DCN: variants seen among roughly 807,000 people sequenced by gnomAD.
DCN encodes the protein decorin.
A neutral mutation model predicts 36.5 loss-of-function variants in DCN; 17 were observed. The observed-to-expected ratio is 0.47, with a 90% CI of 0.32 to 0.70. The LOEUF (loss-of-function observed/expected upper bound fraction) is 0.70. Among genes scored for constraint, DCN ranks in the 30% least tolerant of loss-of-function variants. The pLI is 0.04. For missense variants in DCN, 389 were observed against 430.1 expected, an observed-to-expected ratio of 0.90 and a Z score of 0.84; for synonymous variants, 163 against 161.4, an observed-to-expected ratio of 1.01 and a Z score of -0.07.
intron 3 of DCN, among the ~76,000 whole-genome samples, chr12:91,162,465 T>A: frequency 1.3e-5 from 2 of 152,294 alleles, no homozygotes; most frequent in East Asian, 3.9e-4. Context: ...TGTATCTATA[T>A]TTTTATTCTA....
intron 2 of DCN, among the ~76,000 whole-genome samples, chr12:91,173,838 G>A (rs1254942511): frequency 1.3e-5 from 2 of 152,164 alleles, no homozygotes; most frequent in Admixed American, 6.5e-5. Flanking sequence ...CCAGCCAAGC[G>A]AGAAGCTGTA....
At chr12:91,179,582 C>T (rs531804569) in intron 1 of DCN, 2 of 152,298 alleles carry the variant, frequency 1.3e-5, no homozygotes, top group African/African-American at 4.8e-5. Flanking sequence ...CTTATTATTC[C>T]TTGTTCTGTA....
At chr12:91,164,376 A>AT (rs1882367105) in intron 3 of DCN, among the ~76,000 whole-genome samples, 1 of 143,960 alleles carries the variant, frequency 6.9e-6, no homozygotes. Context: ...TAAAAAAAAA[A>AT]TTAAAAAAAA....
At chr12:91,155,711 T>C (rs1483819991) in intron 5 of DCN, among the ~76,000 whole-genome samples, 2 of 152,140 alleles carry the variant, frequency 1.3e-5, no homozygotes, top group African/African-American at 2.4e-5. Flanking sequence ...GCACTGGGGA[T>C]AGCAAAAGAT....
intron 6 of DCN, among the ~76,000 whole-genome samples, 156 bp from the exon 7 acceptor site, chr12:91,151,948 G>A (rs1310608976): frequency 6.6e-6 from 1 of 152,102 alleles, no homozygotes; most frequent in Non-Finnish European, 1.5e-5. Context: ...CTCTGAGCCT[G>A]GACAAAGTCC....
At chr12:91,155,161 G>A (rs1881681002) in intron 5 of DCN, among the ~76,000 whole-genome samples, 1 of 152,148 alleles carries the variant, frequency 6.6e-6, no homozygotes, top group South Asian at 2.1e-4. Flanking sequence ...AAACACACGA[G>A]TTCTGACATC....
At chr12:91,149,984 C>T (rs1000973847) in intron 7 of DCN, among the ~76,000 whole-genome samples, 2 of 151,894 alleles carry the variant, frequency 1.3e-5, no homozygotes, top group East Asian at 3.9e-4. Flanking sequence ...GTAATTCTTC[C>T]CAATGATCTG....
chr12:91,144,761 T>A lies in DCN; in HGVS notation c.*1297A>T, dbSNP rs2121114127. 1 of 152,220 alleles carries A rather than the reference T, an allele frequency of 6.6e-6. No homozygotes were observed. Among genetic ancestry groups the A allele is most frequent in the South Asian group, 2.1e-4 (1 of 4,822 alleles). The allele number at this position is 152,220 out of a possible 1,614,324, so 9.4% of individuals were successfully genotyped here. ...TCTTGCTCTTGAACTATTATGCATC[T>A]ATGGAAACCCACCTCAACTGTTATC... On this transcript the variant is annotated 3_prime_UTR_variant, in exon 8 of 8. Coordinates refer to ENST00000052754, the MANE Select transcript of DCN (RefSeq NM_001920.5).
intron 1 of DCN, among the ~76,000 whole-genome samples, chr12:91,178,927 G>A (rs1221601126): frequency 6.6e-6 from 1 of 151,984 alleles, no homozygotes; most frequent in African/African-American, 2.4e-5. Context: ...CTTAACACAT[G>A]GTCAGATAAA....
intron 1 of DCN, chr12:91,180,693 C>G (rs1270790972): frequency 6.6e-6 from 1 of 152,074 alleles, no homozygotes; most frequent in Non-Finnish European, 1.5e-5. Flanking sequence ...TACTGAGTAT[C>G]CCTTTAAGAG....
intron 4 of DCN, among the ~76,000 whole-genome samples, chr12:91,157,870 C>T (rs1881896898): frequency 1.3e-5 from 2 of 152,108 alleles, no homozygotes; most frequent in South Asian, 2.1e-4. Flanking sequence ...CCTCGTGATC[C>T]GCCTGCTTCG....
rs371227632 is a variant in DCN at position 91,153,210 on chromosome 12, T to C, written c.653-21A>G. On this transcript the variant is annotated intron_variant, in intron 5 of 7. Transcript: ENST00000052754. ...AAGACCTGGAATGTGGAATTAAAGA[T>C]GTTAAATTAGCAGATAAACATTATA... is the stretch of plus-strand genomic sequence containing the variant. 2.1e-4 allele frequency: 284 copies of C among 1,331,926 alleles called. 2 individuals carry two copies. In the Middle Eastern group the frequency reaches 2.2e-3, roughly 10 times the overall value. 82.5% of individuals were successfully genotyped at this position (1,331,926 alleles called of 1,614,324 possible). A position where few individuals can be genotyped will look rare whatever the true frequency, so the allele number is the denominator to read the frequency against.
intron 2 of DCN, among the ~76,000 whole-genome samples, chr12:91,167,260 A>C (rs1379074310): frequency 2.0e-5 from 3 of 152,160 alleles, no homozygotes; most frequent in Non-Finnish European, 4.4e-5. Context: ...GACAGAGTAT[A>C]ATGAAGAATT....
At chr12:91,161,363 T>A (rs948991215) in intron 3 of DCN, among the ~76,000 whole-genome samples, 2 of 152,216 alleles carry the variant, frequency 1.3e-5, no homozygotes, top group Non-Finnish European at 2.9e-5. Flanking sequence ...GAAGTTGAGA[T>A]GACAGTAAGA....
intron 2 of DCN, chr12:91,176,943 T>G (rs964157838): frequency 3.9e-5 from 6 of 152,268 alleles, no homozygotes; most frequent in Admixed American, 3.9e-4. Context: ...TAGATGCTTA[T>G]AAAATTTCTG....
At chr12:91,158,715 A>T (rs1881960032) in intron 3 of DCN, among the ~76,000 whole-genome samples, 1 of 152,212 alleles carries the variant, frequency 6.6e-6, no homozygotes, top group African/African-American at 2.4e-5. Flanking sequence ...TAATCCCAGC[A>T]CTTTGGGAGG....
intron 6 of DCN, among the ~76,000 whole-genome samples, chr12:91,152,672 A>C (rs1453255998): frequency 6.6e-6 from 1 of 152,130 alleles, no homozygotes; most frequent in East Asian, 1.9e-4. Flanking sequence ...TAATTATTAA[A>C]ATAGTAATTT....
At chr12:91,171,565 G>T (rs78258957) in intron 2 of DCN, among the ~76,000 whole-genome samples, 5 of 152,250 alleles carry the variant, frequency 3.3e-5, no homozygotes, top group African/African-American at 2.4e-5. Context: ...GGTCAGAAAA[G>T]GTTGTACAGC....
chr12:91,150,384 G>A (rs1346640922), intron 7 of DCN, among the ~76,000 whole-genome samples: 1 of 151,970 alleles, frequency 6.6e-6, no homozygotes, highest in Admixed American at 6.5e-5. Context: ...TCATATACTA[G>A]GATTATCTCA....
Sources: gnomAD v4.1 joint callset for allele counts (sites outside exome capture counted in the v4.1 genomes callset) on GRCh38, gnomAD v4.1.1 for gene constraint, MANE v1.5 for transcripts, NCBI Gene and HGNC (gene_info 2026-07-23, HGNC 2026-07-21) for gene names.